The following IMMP2L variants were observed in gnomAD, a reference collection of about 807,000 sequenced individuals.
IMMP2L encodes mitochondrial inner membrane protease subunit 2.
Under a neutral mutation model 19.3 loss-of-function variants are expected in IMMP2L, and 18 were observed. That is an observed-to-expected ratio of 0.93 (90% CI 0.64 to 1.38). The LOEUF (loss-of-function observed/expected upper bound fraction) is 1.38, where lower values mean the gene tolerates loss of function less well. Among genes scored for constraint, IMMP2L ranks in the 40% most tolerant of loss-of-function variants. The pLI, the probability that IMMP2L is intolerant of heterozygous loss-of-function variation, is 0.00. For missense variants in IMMP2L, 233 were observed against 218.2 expected, an observed-to-expected ratio of 1.07 and a Z score of -0.43; for synonymous variants, 76 against 73.0, an observed-to-expected ratio of 1.04 and a Z score of -0.21.
intron 3 of IMMP2L, among the ~76,000 whole-genome samples, chr7:111,167,456 TC>T (rs1484111391): frequency 6.6e-6 from 1 of 151,922 alleles, no homozygotes; most frequent in African/African-American, 2.4e-5. Context: ...ACCTGATTTT[TC>T]AGCATACTTC....
chr7:111,488,837 C>G (rs1252833470), intron 2 of IMMP2L, among the ~76,000 whole-genome samples: 1 of 152,030 alleles, frequency 6.6e-6, no homozygotes, highest in African/African-American at 2.4e-5. Flanking sequence ...AAAAGTGTTT[C>G]CTTTTCACCA....
intron 3 of IMMP2L, among the ~76,000 whole-genome samples, chr7:111,466,567 A>G (rs1366141197): frequency 6.6e-6 from 1 of 152,200 alleles, no homozygotes; most frequent in African/African-American, 2.4e-5. Flanking sequence ...CTGTTACTGT[A>G]TAAAATGGCC....
At chr7:111,286,821 C>G (rs539547733) in intron 3 of IMMP2L, among the ~76,000 whole-genome samples, 4 of 152,206 alleles carry the variant, frequency 2.6e-5, no homozygotes, top group African/African-American at 9.6e-5. Flanking sequence ...TTTAACACAC[C>G]CATCAGTGGG....
At chr7:110,942,682 C>T (rs745415749) in intron 4 of IMMP2L, among the ~76,000 whole-genome samples, 6 of 151,390 alleles carry the variant, frequency 4.0e-5, no homozygotes, top group Non-Finnish European at 7.4e-5. Flanking sequence ...CCAAGAAATC[C>T]AAAACCAACA....
chr7:110,911,869 C>A lies in IMMP2L; in HGVS notation c.306-25174G>T, dbSNP rs527941131. The stretch of plus-strand genomic sequence containing the variant: ...TCATGTATGTATTTCAAGCATTTGA[C>A]GGGACAGTAAATATGTATCAAAATA... On this transcript the variant is annotated intron_variant, in intron 4 of 5. Coordinates refer to ENST00000405709, the MANE Select transcript of IMMP2L (RefSeq NM_032549.4). Among the ~76,000 whole-genome samples the A allele has an allele frequency of 7.2e-4, 110 of 152,080 alleles. 1 individual carries two copies. The Middle Eastern group carries it at 0.02, about 28-fold the overall frequency.
chr7:111,360,324 G>T (rs919754159), intron 3 of IMMP2L, among the ~76,000 whole-genome samples: 2 of 152,090 alleles, frequency 1.3e-5, no homozygotes, highest in Non-Finnish European at 2.9e-5. Flanking sequence ...AGTGTGCTCT[G>T]AAGACGCCAC....
At chr7:111,504,944 A>G (rs1349580208) in intron 2 of IMMP2L, among the ~76,000 whole-genome samples, 1 of 152,048 alleles carries the variant, frequency 6.6e-6, no homozygotes, top group Non-Finnish European at 1.5e-5. Context: ...ACCAAAAGCA[A>G]TGGCAACAAA....
At chr7:111,331,300 T>C (rs144351126) in intron 3 of IMMP2L, among the ~76,000 whole-genome samples, 53 of 151,912 alleles carry the variant, frequency 3.5e-4, no homozygotes. Context: ...TGGAGAACAT[T>C]ATGCTAAGTG....
intron 5 of IMMP2L, among the ~76,000 whole-genome samples, chr7:110,756,168 G>A (rs1322922646): frequency 6.6e-6 from 1 of 152,036 alleles, no homozygotes; most frequent in African/African-American, 2.4e-5. Flanking sequence ...TAAGAAGGAA[G>A]ATGCAGACAT....
chr7:110,742,307 G>A (rs867908604), intron 5 of IMMP2L, among the ~76,000 whole-genome samples: 8 of 151,978 alleles, frequency 5.3e-5, no homozygotes, highest in African/African-American at 9.7e-5. Context: ...TTTATATATC[G>A]TAAGTAAACT....
At chr7:111,351,017 A>G (rs559739989) in intron 3 of IMMP2L, among the ~76,000 whole-genome samples, 1 of 152,300 alleles carries the variant, frequency 6.6e-6, no homozygotes, top group East Asian at 1.9e-4. Context: ...TGAAGAAATC[A>G]TAATCTTAAA....
At chr7:110,972,165 C>T (rs1440450785) in intron 3 of IMMP2L, among the ~76,000 whole-genome samples, 1 of 147,902 alleles carries the variant, frequency 6.8e-6, no homozygotes, top group East Asian at 2.0e-4. Flanking sequence ...AAATTGTTTC[C>T]AGAAAAAAAA....
At chr7:111,506,006 G>A (rs1844859188) in intron 2 of IMMP2L, among the ~76,000 whole-genome samples, 1 of 151,778 alleles carries the variant, frequency 6.6e-6, no homozygotes. Context: ...AGGAGGCCAG[G>A]CTCACACCTG....
intron 3 of IMMP2L, chr7:111,122,910 T>G: frequency 6.2e-7 from 1 of 1,614,036 alleles, no homozygotes; most frequent in Non-Finnish European, 8.5e-7. Context: ...CCAGATCCAT[T>G]TATATGGAAG....
At chr7:111,330,966 T>C (rs1427583612) in intron 3 of IMMP2L, among the ~76,000 whole-genome samples, 1 of 151,930 alleles carries the variant, frequency 6.6e-6, no homozygotes, top group Non-Finnish European at 1.5e-5. Context: ...GGAATCCTTG[T>C]ATACTGTTGG....
chr7:111,338,145 G>T (rs1826640667), intron 3 of IMMP2L, among the ~76,000 whole-genome samples: 1 of 152,158 alleles, frequency 6.6e-6, no homozygotes, highest in African/African-American at 2.4e-5. Context: ...GTAGAGAAGA[G>T]AAAGTTCTGC....
intron 3 of IMMP2L, among the ~76,000 whole-genome samples, chr7:111,410,022 A>G (rs767209572): frequency 4.6e-5 from 7 of 151,828 alleles, no homozygotes; most frequent in Non-Finnish European, 1.0e-4. Flanking sequence ...AATTTGTGGG[A>G]CATATTAAAG....
At chr7:111,214,167 T>A (rs922577875) in intron 3 of IMMP2L, among the ~76,000 whole-genome samples, 13 of 152,066 alleles carry the variant, frequency 8.5e-5, no homozygotes, top group Non-Finnish European at 1.3e-4. Context: ...CTTGCTTATT[T>A]AGAAAATCTG....
At chr7:110,678,075 T>C (rs1792446234) in intron 5 of IMMP2L, among the ~76,000 whole-genome samples, 1 of 152,166 alleles carries the variant, frequency 6.6e-6, no homozygotes, top group Admixed American at 6.6e-5. Flanking sequence ...AAGAACTCTT[T>C]CCTTCCTGAA....
Sources: gnomAD v4.1 joint callset for allele counts (sites outside exome capture counted in the v4.1 genomes callset) on GRCh38, gnomAD v4.1.1 for gene constraint, MANE v1.5 for transcripts, NCBI Gene and HGNC (gene_info 2026-07-23, HGNC 2026-07-21) for gene names.